The following NFATC1 variants were observed in gnomAD, a reference collection of about 807,000 sequenced individuals.
NFATC1 encodes the protein nuclear factor of activated T cells 1, also known as nuclear factor of activated T-cells, cytoplasmic 1.
A neutral mutation model predicts 76.0 loss-of-function variants in NFATC1; 22 were observed. The ratio of observed to expected loss-of-function variants is 0.29; its 90% CI spans 0.21 to 0.41. The LOEUF (loss-of-function observed/expected upper bound fraction) is 0.41. Ranked by LOEUF, NFATC1 falls within the 10% of genes least tolerant of loss-of-function variation. The probability of loss-of-function intolerance (pLI) is 1.00; values close to 1 mark genes in which losing one functional copy is unlikely to be tolerated. For synonymous variants in NFATC1, 704 were observed against 613.1 expected (o/e 1.15, Z -2.19); for missense variants, 1,357 against 1,337.7 (o/e 1.01, Z -0.23).
At chr18:79,516,956 G>T (rs1180867295) in intron 9 of NFATC1, among the ~76,000 whole-genome samples, 2 of 152,178 alleles carry the variant, frequency 1.3e-5, no homozygotes, top group African/African-American at 4.8e-5. Context: ...TGTGTATTCA[G>T]CAATTCAATG....
chr18:79,441,165 A>G (rs2086960641), intron 3 of NFATC1, among the ~76,000 whole-genome samples: 1 of 152,180 alleles, frequency 6.6e-6, no homozygotes, highest in Non-Finnish European at 1.5e-5. Context: ...GCCATGTCCT[A>G]GGGAAATAGA....
At position 79,396,215 on chromosome 18, in the gene NFATC1, C is replaced by G. The variant is rs374592826; in HGVS notation, c.-10C>G. On this transcript the variant is annotated 5_prime_UTR_variant, in exon 1 of 10. Coordinates refer to ENST00000427363, the MANE Select transcript of NFATC1 (RefSeq NM_001278669.2). Reference sequence around the variant, plus strand: ...CGCCCGCCGCTCCACTCCCCGCCGCCGCCGCGCGGATGCCAAGCACCAGCT... The same window carrying G: ...CGCCCGCCGCTCCACTCCCCGCCGCGGCCGCGCGGATGCCAAGCACCAGCT... 1.6e-5 allele frequency: 23 copies of G among 1,483,176 alleles called. No individual in the cohort carries two copies. The African/African-American group carries it at 2.8e-4, about 18-fold the overall frequency. The allele number at this position is 1,483,176 out of a possible 1,614,324, so 91.9% of individuals were successfully genotyped here. A position where few individuals can be genotyped will look rare whatever the true frequency, so the allele number is the denominator to read the frequency against.
At chr18:79,469,865 G>A in intron 8 of NFATC1, 1 of 985,444 alleles carries the variant, frequency 1.0e-6, no homozygotes, top group Non-Finnish European at 1.2e-6. Context: ...ACCTGGTCCT[G>A]GGGGCTGCGA....
chr18:79,455,650 C>T (rs546417278), intron 6 of NFATC1, among the ~76,000 whole-genome samples: 11 of 152,274 alleles, frequency 7.2e-5, no homozygotes, highest in African/African-American at 1.2e-4. Context: ...CCCGGAGGCC[C>T]CCAGCCCAGC....
At chr18:79,406,504 G>A (rs1470010196) in intron 1 of NFATC1, among the ~76,000 whole-genome samples, 2 of 152,196 alleles carry the variant, frequency 1.3e-5, no homozygotes, top group African/African-American at 2.4e-5. Flanking sequence ...TGGAGTTGAT[G>A]ACTGGTGTGA....
chr18:79,419,491 GGGCCGGC>G (rs2085995156), intron 2 of NFATC1, among the ~76,000 whole-genome samples: 2 of 143,532 alleles, frequency 1.4e-5, no homozygotes, highest in Non-Finnish European at 3.1e-5. Context: ...CCCCCTAGGA[GGGCCGGC>G]ACCTGCCTGC....
intron 9 of NFATC1, among the ~76,000 whole-genome samples, chr18:79,514,739 T>A (rs747774212): frequency 6.6e-6 from 1 of 151,850 alleles, no homozygotes; most frequent in Non-Finnish European, 1.5e-5. Context: ...TAGTTGAAAG[T>A]CACATTTTAG....
At position 79,486,679 on chromosome 18, in the gene NFATC1, C is replaced by G; in HGVS notation, c.2524C>G (p.Leu842Val). 1.2e-6 allele frequency: 2 copies of G among 1,602,566 alleles called. No individual in the cohort carries two copies. Among genetic ancestry groups the G allele is most frequent in the South Asian group, 2.2e-5 (2 of 90,476 alleles). Residue 842 changes from leucine to valine, a missense_variant, in exon 9 of 10, where the codon CTC (leucine) becomes GTC (valine). Leu to Val is a conservative substitution (Grantham distance 32). Around this residue, in one of 3 missense-constraint regions of NFATC1, gnomAD observed 424 missense variants for 395.4 expected, o/e 1.07. Transcript: ENST00000427363. ...CTGCCCCCCTGGTCTCGAACACTCG[C>G]TCTGCCCCAGCAGCCCCTCTCCTCC... Reference protein sequence around the residue: ...SSCPPGLEHSLCPSSPSPPLP... With the variant: ...SSCPPGLEHSVCPSSPSPPLP...
chr18:79,438,451 C>T (rs1224821444), intron 3 of NFATC1, among the ~76,000 whole-genome samples: 1 of 152,072 alleles, frequency 6.6e-6, no homozygotes, highest in African/African-American at 2.4e-5. Context: ...ATAGCCTGAC[C>T]TCTGACCCAG....
At chr18:79,461,182 C>T (rs1256397393) in intron 6 of NFATC1, 129 bp from the exon 7 acceptor site, 2 of 993,088 alleles carry the variant, frequency 2.0e-6, no homozygotes, top group Non-Finnish European at 3.1e-6. Flanking sequence ...CTGGGATGGG[C>T]CTACGTGGGT....
At chr18:79,514,564 CAAAAAAAAAAA>C (rs61341859) in intron 9 of NFATC1, among the ~76,000 whole-genome samples, 2 of 47,238 alleles carry the variant, frequency 4.2e-5, no homozygotes, top group African/African-American at 2.0e-4. Flanking sequence ...GACCCTGCCT[CAAAAAAAAAAA>C]AAAAAAAAAA....
At chr18:79,408,448 A>C (rs112983892) in intron 1 of NFATC1, among the ~76,000 whole-genome samples, 2,150 of 152,352 alleles carry the variant, frequency 0.014, 23 homozygotes, top group Non-Finnish European at 0.024. Context: ...TTTCCCTAAT[A>C]ATGATTTTAA....
intron 2 of NFATC1, among the ~76,000 whole-genome samples, chr18:79,414,317 T>C (rs2085802836): frequency 6.6e-6 from 1 of 152,198 alleles, no homozygotes; most frequent in South Asian, 2.1e-4. Context: ...ATGCACGACA[T>C]GCCCATCTTC....
At chr18:79,469,556 C>T (rs2144944786) in intron 8 of NFATC1, 2 of 985,918 alleles carry the variant, frequency 2.0e-6, no homozygotes, top group Admixed American at 6.1e-5. Context: ...ACTCCTGCCT[C>T]GATTGGCCCC....
In NFATC1 at chr18:79,524,432, C is replaced by T. The variant is rs750148447; in HGVS notation, c.2783-3096C>T. Reference sequence around the variant, plus strand: ...TGAGTGGTGTCAGGGTTGTCCATCCCGCTCTCTGTCAGCTGCTGCCATGGG... The same window carrying T: ...TGAGTGGTGTCAGGGTTGTCCATCCTGCTCTCTGTCAGCTGCTGCCATGGG... On this transcript the variant is annotated intron_variant, in intron 9 of 9. Coordinates refer to ENST00000427363, the MANE Select transcript of NFATC1 (RefSeq NM_001278669.2). This position sits in a 1 kb window ranked among gnomAD's most constrained non-coding sequence, Gnocchi z 7.2. 3.9e-5 allele frequency among the ~76,000 whole-genome samples: 6 copies of T among 152,326 alleles called. No homozygotes were observed. The highest frequency in any genetic ancestry group is 7.3e-5 in the Non-Finnish European group (5 of 68,030).
chr18:79,455,746 TCACGGCCGCCC>T (rs1568984081), intron 6 of NFATC1, among the ~76,000 whole-genome samples: 72,870 of 148,356 alleles, frequency 0.49, 19,416 homozygotes, highest in South Asian at 0.65. Flanking sequence ...GCCCCCCATC[TCACGGCCGCCC>T]CATCCCACGG....
chr18:79,418,257 G>A (rs1472806438), intron 2 of NFATC1, among the ~76,000 whole-genome samples: 1 of 152,176 alleles, frequency 6.6e-6, no homozygotes, highest in Non-Finnish European at 1.5e-5. Flanking sequence ...GTAGGGAGCT[G>A]TCGGGTCACA....
At chr18:79,437,877 G>A (rs1043217479) in intron 3 of NFATC1, among the ~76,000 whole-genome samples, 5 of 152,230 alleles carry the variant, frequency 3.3e-5, no homozygotes, top group African/African-American at 1.2e-4. Flanking sequence ...TGCCCTCAGC[G>A]CTGCTCACCT....
chr18:79,487,650 G>A (rs2089547552), intron 9 of NFATC1, among the ~76,000 whole-genome samples: 1 of 152,248 alleles, frequency 6.6e-6, no homozygotes, highest in African/African-American at 2.4e-5. Context: ...TTTCTGTGAC[G>A]AGTGGTGACC....
Sources: allele counts gnomAD v4.1 joint callset (sites outside exome capture counted in the v4.1 genomes callset), GRCh38; gene constraint gnomAD v4.1.1; regional missense constraint gnomAD v4.1.1; non-coding constraint Gnocchi (gnomAD v3.1); transcripts MANE v1.5; gene names NCBI Gene and HGNC (gene_info 2026-07-23, HGNC 2026-07-21).